RYR3: variants seen among roughly 807,000 people sequenced by gnomAD.
The protein encoded by RYR3 is ryanodine receptor 3, also known as brain ryanodine receptor-calcium release channel.
A neutral mutation model predicts 584.3 loss-of-function variants in RYR3; 207 were observed. The observed-to-expected ratio is 0.35, with a 90% confidence interval of 0.32 to 0.40. The LOEUF is 0.40. Among genes scored for constraint, RYR3 ranks in the 10% least tolerant of loss-of-function variants. The probability of loss-of-function intolerance (pLI) is 1.00; values close to 1 mark genes in which losing one functional copy is unlikely to be tolerated. For synonymous variants in RYR3, 2,416 were observed against 2,248.5 expected (o/e 1.07, Z -2.11); for missense variants, 5,616 against 6,089.2 (o/e 0.92, Z 2.59).
intron 38 of RYR3, among the ~76,000 whole-genome samples, chr15:33,692,919 T>C (rs572247243): frequency 6.6e-6 from 1 of 152,322 alleles, no homozygotes; most frequent in African/African-American, 2.4e-5. Context: ...TCATATGTAC[T>C]TGGTTTTATT....
At chr15:33,359,593 CTTATTTATTTATTTATTTAT>C (rs34142769) in intron 1 of RYR3, among the ~76,000 whole-genome samples, 1 of 144,824 alleles carries the variant, frequency 6.9e-6, no homozygotes, top group Non-Finnish European at 1.5e-5. Flanking sequence ...TCCCTGACCC[CTTATTTATTTATTTATTTAT>C]TTATTTATTT....
rs1597140874 is a variant in RYR3, at chr15:33,864,127, C to T, written c.14466-11C>T. 4 of 1,606,142 alleles carry T rather than the reference C, an allele frequency of 2.5e-6. No homozygotes were observed. The highest frequency in any genetic ancestry group is 1.3e-5 in the African/African-American group (1 of 74,802). On this transcript the variant is annotated splice_polypyrimidine_tract_variant and intron_variant, in intron 102 of 103. Transcript: ENST00000634891. ...ACCAGAGTATCTAATACTATCTTTT[C>T]CTCGTTCCAGGTTCTTTCTGATGTA...
At chr15:33,837,160 C>G (rs189652520) in intron 88 of RYR3, among the ~76,000 whole-genome samples, 173 bp downstream of exon 88, 4 of 152,172 alleles carry the variant, frequency 2.6e-5, no homozygotes, top group African/African-American at 9.7e-5. Context: ...GTCTGACGGA[C>G]GAAGCCTGAA....
At chr15:33,337,185 T>C (rs12591068) in intron 1 of RYR3, among the ~76,000 whole-genome samples, 41,654 of 151,114 alleles carry the variant, frequency 0.28, 6,653 homozygotes, top group East Asian at 0.41. Context: ...ATTTAAAAGA[T>C]AGGAGAATAT....
chr15:33,461,080 A>G lies in RYR3; in HGVS notation c.52-12339A>G, dbSNP rs904909352. Among the ~76,000 whole-genome samples the G allele has an allele frequency of 3.8e-4, 58 of 150,868 alleles. 1 individual carries two copies. The highest frequency in any genetic ancestry group is 7.8e-4 in the East Asian group (4 of 5,126). On this transcript the variant is annotated intron_variant, in intron 1 of 103. Coordinates refer to ENST00000634891, the MANE Select transcript of RYR3 (RefSeq NM_001036.6). The stretch of plus-strand genomic sequence containing the variant: ...CTGCCTCAGCCTCCCGAGTAGCTGT[A>G]ACTACAGGCACCCGCCACCACGCCC...
Position 33,464,507 on chromosome 15 carries a change from T to TACAC in RYR3, c.52-8910_52-8907dup, listed in dbSNP as rs60729541. Among the ~76,000 whole-genome samples, 12 of 121,030 alleles carry TACAC rather than the reference T, an allele frequency of 9.9e-5. 1 individual carries two copies. In the South Asian group the frequency reaches 3.1e-3, roughly 32 times the overall value. The allele number at this position is 121,030 out of a possible 152,430, so 79.4% of individuals were successfully genotyped here. A position where few individuals can be genotyped will look rare whatever the true frequency, so the allele number is the denominator to read the frequency against. ...ATATATATACACATATATATATACA[T>TACAC]ACACATACACATATATGTACATTTA... On this transcript the variant is annotated intron_variant, in intron 1 of 103. Coordinates refer to ENST00000634891, the MANE Select transcript of RYR3 (RefSeq NM_001036.6).
chr15:33,753,459 G>A (rs999706190), intron 57 of RYR3, among the ~76,000 whole-genome samples: 2 of 152,110 alleles, frequency 1.3e-5, no homozygotes, highest in African/African-American at 4.8e-5. Context: ...CTTAAAGTCA[G>A]GCTGTTTTCT....
intron 3 of RYR3, among the ~76,000 whole-genome samples, chr15:33,523,716 A>C (rs933753940): frequency 5.9e-5 from 9 of 152,142 alleles, no homozygotes; most frequent in African/African-American, 1.9e-4. Flanking sequence ...CCAAGTCCCC[A>C]AAAACAAGAA....
chr15:33,779,612 A>T (rs1357028060), intron 64 of RYR3, among the ~76,000 whole-genome samples: 3 of 152,200 alleles, frequency 2.0e-5, no homozygotes, highest in African/African-American at 7.2e-5. Flanking sequence ...ACAGGGAAGG[A>T]TCCATCTCAA....
intron 1 of RYR3, among the ~76,000 whole-genome samples, chr15:33,382,482 C>T (rs959381037): frequency 1.3e-5 from 2 of 151,824 alleles, no homozygotes; most frequent in African/African-American, 4.8e-5. Context: ...AGCCACCAGC[C>T]CGGCTAATTT....
At chr15:33,470,662 T>C (rs1276867812) in intron 1 of RYR3, among the ~76,000 whole-genome samples, 1 of 152,146 alleles carries the variant, frequency 6.6e-6, no homozygotes, top group Non-Finnish European at 1.5e-5. Flanking sequence ...GGTTATGACA[T>C]GGAAGGTTCA....
chr15:33,651,683 A>G (rs1595982026), intron 31 of RYR3, among the ~76,000 whole-genome samples: 1 of 152,200 alleles, frequency 6.6e-6, no homozygotes, highest in Non-Finnish European at 1.5e-5. Context: ...CCCTGCCCCT[A>G]TGTGGCCTTG....
At chr15:33,666,108 G>A (rs2063480780) in intron 36 of RYR3, among the ~76,000 whole-genome samples, 1 of 152,144 alleles carries the variant, frequency 6.6e-6, no homozygotes, top group Admixed American at 6.5e-5. Flanking sequence ...GGGTTCAAGT[G>A]ATTCTCATGC....
intron 87 of RYR3, among the ~76,000 whole-genome samples, chr15:33,835,810 A>G (rs1302296293): frequency 6.6e-6 from 1 of 152,194 alleles, no homozygotes; most frequent in Non-Finnish European, 1.5e-5. Context: ...GAGGGCTGCA[A>G]TTTGACAGTA....
intron 21 of RYR3, 77 bp from the exon 22 acceptor site, chr15:33,629,863 T>A: frequency 1.3e-6 from 1 of 741,800 alleles, no homozygotes; most frequent in Non-Finnish European, 2.3e-6. Context: ...TGTTTCAAAG[T>A]ATGTTCTGTT....
At chr15:33,358,297 C>G (rs1974265392) in intron 1 of RYR3, among the ~76,000 whole-genome samples, 1 of 152,220 alleles carries the variant, frequency 6.6e-6, no homozygotes. Flanking sequence ...GCTGGGCACT[C>G]TACCTACTGA....
chr15:33,415,932 C>T (rs1290038318), intron 1 of RYR3, among the ~76,000 whole-genome samples: 2 of 152,094 alleles, frequency 1.3e-5, no homozygotes, highest in Non-Finnish European at 2.9e-5. Flanking sequence ...CAATTTTTAG[C>T]TCCTACTTGT....
intron 67 of RYR3, among the ~76,000 whole-genome samples, chr15:33,794,334 T>TATAACATA (rs1216564897): frequency 2.3e-5 from 2 of 87,064 alleles, no homozygotes; most frequent in East Asian, 3.3e-4. Context: ...TTTATATATG[T>TATAACATA]TTATATATAT....
intron 1 of RYR3, chr15:33,467,394 C>A: frequency 1.5e-6 from 1 of 650,956 alleles, no homozygotes; most frequent in Non-Finnish European, 1.9e-6. Context: ...ACAGGTGACC[C>A]GTAGAGAAGC....
Sources: gnomAD v4.1 joint callset for allele counts (sites outside exome capture counted in the v4.1 genomes callset) on GRCh38, gnomAD v4.1.1 for gene constraint, MANE v1.5 for transcripts, NCBI Gene and HGNC (gene_info 2026-07-23, HGNC 2026-07-21) for gene names.